Variants in RANBP17 observed in about 807,000 individuals in gnomAD.
RANBP17 encodes the protein RAN binding protein 17.
In RANBP17, 158 loss-of-function variants were observed where a neutral mutation model predicts 141.2. The observed-to-expected ratio is 1.12, with a 90% CI of 0.98 to 1.28. The LOEUF is 1.28. Ranked by LOEUF, RANBP17 falls within the 50% of genes most tolerant of loss-of-function variation. The pLI, the probability that RANBP17 is intolerant of heterozygous loss-of-function variation, is 0.00. For missense variants in RANBP17, 1,438 were observed against 1,290.7 expected (o/e 1.11, Z -1.75); for synonymous variants, 430 against 450.0 (o/e 0.96, Z 0.56).
At chr5:171,222,268 C>T (rs969100708) in intron 22 of RANBP17, among the ~76,000 whole-genome samples, 10 of 152,132 alleles carry the variant, frequency 6.6e-5, no homozygotes, top group African/African-American at 1.9e-4. Flanking sequence ...TTGGGTACTG[C>T]GCCTCTAGAA....
At chr5:171,062,809 G>C (rs1015524098) in intron 14 of RANBP17, among the ~76,000 whole-genome samples, 2 of 152,180 alleles carry the variant, frequency 1.3e-5, no homozygotes, top group African/African-American at 4.8e-5. Context: ...ATCAGACGTA[G>C]ATTTGGTCTT....
chr5:171,219,584 C>G (rs1763428653), intron 21 of RANBP17, among the ~76,000 whole-genome samples: 1 of 151,902 alleles, frequency 6.6e-6, no homozygotes, highest in South Asian at 2.1e-4. Flanking sequence ...AGGCTTTGTT[C>G]TTTCCTTTTC....
chr5:171,147,339 T>TGTGTGTGTG (rs1554105339), intron 14 of RANBP17, among the ~76,000 whole-genome samples: 2 of 104,848 alleles, frequency 1.9e-5, no homozygotes, highest in Non-Finnish European at 3.7e-5. Context: ...CTTGGTTGTT[T>TGTGTGTGTG]TGTGTGTGTG....
intron 3 of RANBP17, among the ~76,000 whole-genome samples, chr5:170,890,348 G>A (rs570180614): frequency 1.3e-5 from 2 of 152,190 alleles, no homozygotes; most frequent in South Asian, 2.1e-4. Flanking sequence ...ACTGTGATTC[G>A]TAGGAGAAAC....
At chr5:171,135,433 A>G (rs1581708526) in intron 14 of RANBP17, among the ~76,000 whole-genome samples, 1 of 152,302 alleles carries the variant, frequency 6.6e-6, no homozygotes, top group South Asian at 2.1e-4. Flanking sequence ...GGTGGAGACA[A>G]TGGTTTTAAT....
intron 14 of RANBP17, chr5:170,968,587 A>C (rs1297376638): frequency 1.6e-6 from 1 of 610,472 alleles, no homozygotes; most frequent in East Asian, 3.2e-5. Context: ...GCAGAGAGGT[A>C]ATGAATATGT....
Position 170,878,263 on chromosome 5 carries a change from G to T in RANBP17, c.165+20G>T. ...GGAACAGTAAGTATTTGGTAACAAT[G>T]ATTAACCATGAAAGATCAGTAGATG... On this transcript the variant is annotated intron_variant, in intron 2 of 27. Transcript: ENST00000523189. 6.3e-7 allele frequency: 1 copy of T among 1,588,994 alleles called. No homozygotes were observed. Among genetic ancestry groups the T allele is most frequent in the South Asian group, 1.2e-5 (1 of 86,456 alleles).
At chr5:171,156,801 G>A (rs936560051) in intron 14 of RANBP17, among the ~76,000 whole-genome samples, 1 of 152,128 alleles carries the variant, frequency 6.6e-6, no homozygotes, top group Non-Finnish European at 1.5e-5. Flanking sequence ...TTTTTTTAAA[G>A]AATTGGCATT....
chr5:170,942,208 C>A (rs9313531), intron 12 of RANBP17, among the ~76,000 whole-genome samples: 2 of 151,868 alleles, frequency 1.3e-5, no homozygotes, highest in South Asian at 2.1e-4. Context: ...ATCACCTCCC[C>A]TTCCTCCCCA....
intron 14 of RANBP17, among the ~76,000 whole-genome samples, chr5:171,026,466 A>T (rs944714213): frequency 1.3e-5 from 2 of 152,140 alleles, no homozygotes; most frequent in Non-Finnish European, 2.9e-5. Flanking sequence ...GCAATTTCTA[A>T]TTTTATCACA....
At chr5:171,056,953 A>G (rs957717211) in intron 14 of RANBP17, among the ~76,000 whole-genome samples, 1 of 152,168 alleles carries the variant, frequency 6.6e-6, no homozygotes, top group African/African-American at 2.4e-5. Context: ...ATTTTTTAAT[A>G]TAACATGAAA....
At chr5:170,965,351 C>T (rs549304090) in intron 13 of RANBP17, among the ~76,000 whole-genome samples, 2,634 of 151,540 alleles carry the variant, frequency 0.017, 69 homozygotes, top group African/African-American at 0.06. Flanking sequence ...TGTAGGTTGC[C>T]TGTTCACTCT....
At chr5:171,194,374 C>T (rs938824694) in intron 18 of RANBP17, among the ~76,000 whole-genome samples, 2 of 152,120 alleles carry the variant, frequency 1.3e-5, no homozygotes, top group African/African-American at 2.4e-5. Flanking sequence ...CTCTTCTCCC[C>T]TCCCCCAAAC....
At chr5:171,164,571 C>G (rs916157378) in intron 14 of RANBP17, among the ~76,000 whole-genome samples, 2 of 152,138 alleles carry the variant, frequency 1.3e-5, no homozygotes, top group Non-Finnish European at 2.9e-5. Flanking sequence ...TCCAAATGCT[C>G]TTTTCTTAAA....
intron 25 of RANBP17, among the ~76,000 whole-genome samples, chr5:171,273,756 TC>T (rs1430874615): frequency 6.6e-6 from 1 of 152,222 alleles, no homozygotes; most frequent in East Asian, 1.9e-4. Flanking sequence ...CTTGTATTTC[TC>T]ACAGCCAACC....
intron 25 of RANBP17, among the ~76,000 whole-genome samples, chr5:171,282,109 A>T (rs1019618518): frequency 1.6e-4 from 25 of 152,222 alleles, no homozygotes; most frequent in Non-Finnish European, 2.9e-4. Flanking sequence ...GGGGCATTTG[A>T]TAAGTCTATA....
At chr5:171,136,865 T>C (rs925021016) in intron 14 of RANBP17, among the ~76,000 whole-genome samples, 1 of 152,122 alleles carries the variant, frequency 6.6e-6, no homozygotes, top group African/African-American at 2.4e-5. Context: ...GTTTGAGTGG[T>C]TGTAGGAAAT....
intron 14 of RANBP17, among the ~76,000 whole-genome samples, chr5:171,050,603 A>C (rs1317180542): frequency 1.3e-5 from 2 of 152,178 alleles, no homozygotes; most frequent in Non-Finnish European, 2.9e-5. Flanking sequence ...GCTCTTCAGG[A>C]GGCTGAGGCA....
At chr5:171,208,666 G>A (rs7731445) in intron 20 of RANBP17, among the ~76,000 whole-genome samples, 14 of 152,294 alleles carry the variant, frequency 9.2e-5, no homozygotes, top group African/African-American at 3.4e-4. Flanking sequence ...GATACATAGA[G>A]GAGCACAAAC....
Sources: allele counts gnomAD v4.1 joint callset (sites outside exome capture counted in the v4.1 genomes callset), GRCh38; gene constraint gnomAD v4.1.1; transcripts MANE v1.5; gene names NCBI Gene and HGNC (gene_info 2026-07-23, HGNC 2026-07-21).